The following EOGT variants were observed in gnomAD, a reference collection of about 807,000 sequenced individuals.
EOGT encodes the protein EGF domain-specific O-linked N-acetylglucosamine transferase.
Under a neutral mutation model 70.5 loss-of-function variants are expected in EOGT, and 55 were observed. The observed-to-expected ratio is 0.78, with a 90% CI of 0.63 to 0.98. The LOEUF (loss-of-function observed/expected upper bound fraction) is 0.98. Ranked by LOEUF, EOGT falls within the 50% of genes least tolerant of loss-of-function variation. The probability of loss-of-function intolerance (pLI) is 0.00; values close to 1 mark genes in which losing one functional copy is unlikely to be tolerated. For missense variants in EOGT, 703 were observed against 641.9 expected (o/e 1.10, Z -1.03); for synonymous variants, 246 against 217.1 (o/e 1.13, Z -1.17).
At chr3:69,003,167 C>T (rs544132080) in intron 8 of EOGT, among the ~76,000 whole-genome samples, 8 of 152,214 alleles carry the variant, frequency 5.3e-5, no homozygotes, top group Admixed American at 2.6e-4. Flanking sequence ...TTAATGAGTA[C>T]AGGTAATTGC....
rs1239152989 is a variant in EOGT, at chr3:68,988,929, T to G, written c.920A>C (p.Lys307Thr). 6.6e-7 allele frequency: 1 copy of G among 1,509,372 alleles called. No individual in the cohort carries two copies. Among genetic ancestry groups the G allele is most frequent in the South Asian group, 1.2e-5 (1 of 81,484 alleles). The allele number at this position is 1,509,372 out of a possible 1,614,324, so 93.5% of individuals were successfully genotyped here. ...DVIHLKTYDSKRVCFKEAVFS... is the reference protein window; with the variant it reads ...DVIHLKTYDSTRVCFKEAVFS... Reference sequence around the variant, plus strand: ...TTTCAGGAAAATTTCCAGTACCCTTTTGGAATCATAAGTTTTCAAATGTAT... The same window carrying G: ...TTTCAGGAAAATTTCCAGTACCCTTGTGGAATCATAAGTTTTCAAATGTAT... Residue 307 changes from lysine (K) to threonine (T), a missense_variant, in exon 11 of 18, where the codon AAA becomes ACA. Lys to Thr is a moderately conservative substitution (Grantham distance 78). Coordinates refer to ENST00000383701, the MANE Select transcript of EOGT (RefSeq NM_001278689.2).
Position 68,975,225 on chromosome 3 carries a change from T to C in EOGT, c.*2393A>G, listed in dbSNP as rs1439894042. 1 of 152,578 alleles carries C rather than the reference T, an allele frequency of 6.6e-6. No individual in the cohort carries two copies. Among genetic ancestry groups the C allele is most frequent in the Non-Finnish European group, 1.5e-5 (1 of 68,044 alleles). The allele number at this position is 152,578 out of a possible 1,614,324, so 9.5% of individuals were successfully genotyped here. On this transcript the variant is annotated 3_prime_UTR_variant, in exon 18 of 18. Transcript: ENST00000383701. Reference sequence around the variant, plus strand: ...GAAAACCTTAAAAATGGTTCTGATATTCAAATAAAATATAAAATGATTTAT... The same window carrying C: ...GAAAACCTTAAAAATGGTTCTGATACTCAAATAAAATATAAAATGATTTAT...
chr3:69,001,319 G>C (rs929460674), intron 9 of EOGT, among the ~76,000 whole-genome samples: 11 of 152,124 alleles, frequency 7.2e-5, no homozygotes, highest in Admixed American at 5.2e-4. Context: ...AGAGAAACCA[G>C]ATGAGGTAAA....
chr3:69,008,223 G>A (rs2091486906), intron 5 of EOGT, among the ~76,000 whole-genome samples: 2 of 152,154 alleles, frequency 1.3e-5, no homozygotes, highest in African/African-American at 4.8e-5. Flanking sequence ...TATGGTCCTG[G>A]CTGTTTCTCC....
Position 68,998,095 on chromosome 3 carries a change from G to T in EOGT, c.747C>A (p.His249Gln). ...TATAAAGATTGATGAAATCACAGAA[G>T]TGGTGATACATGTTAACACCTAGTG... ...KLDAGVNMYH[H>Q]FCDFINLYIT... Residue 249 changes from histidine to glutamine, a missense_variant, in exon 10 of 18, where the codon CAC becomes CAA. Transcript: ENST00000383701. 13 of 1,591,758 alleles carry T rather than the reference G, an allele frequency of 8.2e-6. No homozygotes were observed. The highest frequency in any genetic ancestry group is 1.1e-5 in the Non-Finnish European group (13 of 1,165,112).
chr3:68,987,373 GAAAA>G, intron 14 of EOGT, 68 bp downstream of exon 14: 2 of 989,456 alleles, frequency 2.0e-6, no homozygotes, highest in African/African-American at 1.7e-5. Context: ...AACGTAATGT[GAAAA>G]AAAAAAAAAC....
intron 17 of EOGT, 148 bp from the exon 18 acceptor site, chr3:68,977,912 T>A (rs2090517704): frequency 1.3e-6 from 1 of 777,094 alleles, no homozygotes; most frequent in East Asian, 2.7e-5. Context: ...GGCCAGATGA[T>A]AAATATTTTC....
At chr3:69,004,623 T>A (rs904336000) in intron 7 of EOGT, 141 bp from the exon 8 acceptor site, 1 of 638,464 alleles carries the variant, frequency 1.6e-6, no homozygotes, top group East Asian at 2.7e-5. Context: ...AAATTTCAAG[T>A]GTATATGAAA....
chr3:69,012,901 G>C (rs1386301090), intron 1 of EOGT, 102 bp from the exon 2 acceptor site: 5 of 152,296 alleles, frequency 3.3e-5, no homozygotes, highest in Non-Finnish European at 7.3e-5. Flanking sequence ...CGCAGAGAGA[G>C]AGAGCTTGGA....
chr3:69,001,116 C>G (rs779380761), intron 9 of EOGT, among the ~76,000 whole-genome samples: 3 of 152,044 alleles, frequency 2.0e-5, no homozygotes, highest in African/African-American at 7.2e-5. Context: ...GCCACCACGC[C>G]CAGCTAATTT....
intron 10 of EOGT, among the ~76,000 whole-genome samples, chr3:68,991,673 G>C (rs1318844686): frequency 1.3e-5 from 2 of 152,184 alleles, no homozygotes; most frequent in Admixed American, 1.3e-4. Flanking sequence ...ATATTGGCCA[G>C]GCTCATGGCT....
At chr3:69,012,841 G>C (rs1157321521) in intron 1 of EOGT, 42 bp from the exon 2 acceptor site, 2 of 152,468 alleles carry the variant, frequency 1.3e-5, no homozygotes, top group Non-Finnish European at 2.9e-5. Flanking sequence ...AAAGATGATG[G>C]ATAGGAGGCA....
chr3:68,993,131 T>G (rs753351300), intron 10 of EOGT, among the ~76,000 whole-genome samples: 49 of 152,200 alleles, frequency 3.2e-4, no homozygotes, highest in Non-Finnish European at 5.4e-4. Context: ...TTAGGCTCCT[T>G]GCTATTTATG....
intron 3 of EOGT, 133 bp from the exon 4 acceptor site, chr3:69,009,993 C>T: frequency 1.5e-6 from 1 of 681,324 alleles, no homozygotes; most frequent in Non-Finnish European, 2.4e-6. Context: ...ACTTTGCTAT[C>T]CCACTGAATA....
At chr3:68,995,874 T>G (rs1181383360) in intron 10 of EOGT, among the ~76,000 whole-genome samples, 1 of 152,202 alleles carries the variant, frequency 6.6e-6, no homozygotes, top group Non-Finnish European at 1.5e-5. Flanking sequence ...AACACTCACC[T>G]GCTGCTCAGG....
At chr3:68,988,873 GTCATCTGCACTCAAGAAATAT>G in intron 11 of EOGT, 31 bp downstream of exon 11, 1 of 935,178 alleles carries the variant, frequency 1.1e-6, no homozygotes. Flanking sequence ...TTATGAGTGA[GTCATCTGCACTCAAGAAATAT>G]TCACAGACAT....
At chr3:68,999,476 A>G (rs7623098) in intron 9 of EOGT, among the ~76,000 whole-genome samples, 1 of 152,210 alleles carries the variant, frequency 6.6e-6, no homozygotes, top group African/African-American at 2.4e-5. Context: ...ATGCTGAGTA[A>G]AAGAAAAACA....
intron 3 of EOGT, among the ~76,000 whole-genome samples, chr3:69,011,578 C>A (rs555024969): frequency 1.6e-5 from 2 of 124,464 alleles, no homozygotes; most frequent in East Asian, 2.4e-4. Context: ...CTGGGTAATG[C>A]GAGGGAGACT....
At chr3:68,995,669 A>G (rs1414865836) in intron 10 of EOGT, among the ~76,000 whole-genome samples, 1 of 152,194 alleles carries the variant, frequency 6.6e-6, no homozygotes, top group East Asian at 1.9e-4. Flanking sequence ...AGCATGCAAC[A>G]GGTACAAGGA....
Sources: gnomAD v4.1 joint callset for allele counts (sites outside exome capture counted in the v4.1 genomes callset) on GRCh38, gnomAD v4.1.1 for gene constraint, MANE v1.5 for transcripts, NCBI Gene and HGNC (gene_info 2026-07-23, HGNC 2026-07-21) for gene names.